ASIC2: variants seen among roughly 807,000 people sequenced by gnomAD.
ASIC2 encodes acid sensing ion channel subunit 2, also known as acid-sensing ion channel 2.
In ASIC2, 25 loss-of-function variants were observed where a neutral mutation model predicts 57.3. The observed-to-expected ratio is 0.44, with a 90% CI of 0.32 to 0.61. The LOEUF is 0.61. Among genes scored for constraint, ASIC2 ranks in the 20% least tolerant of loss-of-function variants. The probability of loss-of-function intolerance (pLI) is 0.06; values close to 1 mark genes in which losing one functional copy is unlikely to be tolerated. For synonymous variants in ASIC2, 319 were observed against 307.5 expected, an observed-to-expected ratio of 1.04 and a Z score of -0.39; for missense variants, 641 against 738.1, an observed-to-expected ratio of 0.87 and a Z score of 1.52.
At chr17:34,017,107 A>G (rs1907005538) in intron 1 of ASIC2, among the ~76,000 whole-genome samples, 2 of 152,232 alleles carry the variant, frequency 1.3e-5, no homozygotes, top group Admixed American at 1.3e-4. Flanking sequence ...TGCATGGAGC[A>G]AGTCTATTAG....
intron 1 of ASIC2, among the ~76,000 whole-genome samples, chr17:33,525,280 CAT>C (rs1382827410): frequency 6.6e-6 from 1 of 152,194 alleles, no homozygotes; most frequent in East Asian, 1.9e-4. Context: ...ACGAGAGAGT[CAT>C]GTGGGAGGTG....
chr17:33,943,656 A>G (rs1380363686), intron 1 of ASIC2, among the ~76,000 whole-genome samples: 1 of 150,988 alleles, frequency 6.6e-6, no homozygotes, highest in Non-Finnish European at 1.5e-5. Flanking sequence ...GTGAAAATAT[A>G]GGAGAAAGAA....
At chr17:33,740,907 A>G (rs1042668588) in intron 1 of ASIC2, among the ~76,000 whole-genome samples, 1 of 152,190 alleles carries the variant, frequency 6.6e-6, no homozygotes, top group African/African-American at 2.4e-5. Flanking sequence ...TGTCCCTTCA[A>G]CAGGGTTATA....
At chr17:33,096,246 T>C (rs1167819582) in intron 2 of ASIC2, among the ~76,000 whole-genome samples, 1 of 152,190 alleles carries the variant, frequency 6.6e-6, no homozygotes, top group African/African-American at 2.4e-5. Flanking sequence ...CTGACCCTCT[T>C]AAGGACAAGA....
chr17:34,024,217 C>T (rs920429423), intron 1 of ASIC2, among the ~76,000 whole-genome samples: 1 of 152,212 alleles, frequency 6.6e-6, no homozygotes, highest in Non-Finnish European at 1.5e-5. Flanking sequence ...GTCTCTCTGA[C>T]TTCCTGGAAG....
chr17:33,472,804 G>C (rs761499191), intron 1 of ASIC2, among the ~76,000 whole-genome samples: 82 of 152,190 alleles, frequency 5.4e-4, no homozygotes, highest in Non-Finnish European at 1.0e-3. Flanking sequence ...TAACTGACAA[G>C]GGATGAGTTT....
At chr17:33,739,263 G>A (rs1337132933) in intron 1 of ASIC2, among the ~76,000 whole-genome samples, 4 of 152,200 alleles carry the variant, frequency 2.6e-5, no homozygotes, top group East Asian at 1.9e-4. Context: ...TATTCCCAAA[G>A]TGATCCATGG....
chr17:33,340,943 T>C (rs1196841929), intron 1 of ASIC2, among the ~76,000 whole-genome samples: 1 of 152,180 alleles, frequency 6.6e-6, no homozygotes, highest in African/African-American at 2.4e-5. Flanking sequence ...TCCTGGAATG[T>C]AGTATCTTTC....
chr17:33,072,205 A>C (rs1178925274), intron 3 of ASIC2, among the ~76,000 whole-genome samples: 2 of 152,166 alleles, frequency 1.3e-5, no homozygotes. Context: ...CAAGGGCATA[A>C]GCTGGGGCAA....
At chr17:33,461,386 C>T (rs563544948) in intron 1 of ASIC2, among the ~76,000 whole-genome samples, 1 of 152,288 alleles carries the variant, frequency 6.6e-6, no homozygotes, top group South Asian at 2.1e-4. Context: ...CATTCTTGGG[C>T]ATATTCTCCA....
intron 1 of ASIC2, among the ~76,000 whole-genome samples, chr17:33,880,748 T>C (rs1361178667): frequency 6.6e-6 from 1 of 152,222 alleles, no homozygotes; most frequent in Non-Finnish European, 1.5e-5. Context: ...GAATCCTCCC[T>C]AACTCATTTT....
intron 1 of ASIC2, among the ~76,000 whole-genome samples, chr17:33,476,982 A>G (rs1210559830): frequency 1.3e-5 from 2 of 152,120 alleles, no homozygotes; most frequent in African/African-American, 4.8e-5. Flanking sequence ...AGCCTATACT[A>G]CTATATAATC....
chr17:33,788,127 C>A (rs1911660641), intron 1 of ASIC2, among the ~76,000 whole-genome samples: 1 of 152,016 alleles, frequency 6.6e-6, no homozygotes, highest in African/African-American at 2.4e-5. Context: ...AACAGGCAAC[C>A]TACAGAATGG....
rs142675508 is a variant in ASIC2 at position 33,366,117 on chromosome 17, A to G, written c.556-254050T>C. 1.2e-4 allele frequency among the ~76,000 whole-genome samples: 19 copies of G among 152,366 alleles called. No individual in the cohort carries two copies. In the East Asian group the frequency reaches 3.7e-3, roughly 29 times the overall value. On this transcript the variant is annotated intron_variant, in intron 1 of 9. Coordinates refer to the ASIC2 transcript ENST00000359872. ...TGGCTGATGACCCTCCCATGATGCT[A>G]TGAGTGGGGACAAAAGGCCAGCAGT...
At chr17:34,149,309 A>G (rs1044743516) in intron 1 of ASIC2, among the ~76,000 whole-genome samples, 19 of 151,800 alleles carry the variant, frequency 1.3e-4, no homozygotes. Flanking sequence ...GTTTTACTAT[A>G]TTGCCCAGGT....
chr17:33,550,947 A>G (rs543225833), intron 1 of ASIC2, among the ~76,000 whole-genome samples: 1 of 152,306 alleles, frequency 6.6e-6, no homozygotes, highest in East Asian at 1.9e-4. Context: ...ACGTGAAAAG[A>G]TATGTTGAAG....
intron 1 of ASIC2, chr17:34,004,193 A>T (rs1906447441): frequency 7.8e-6 from 1 of 128,028 alleles, no homozygotes; most frequent in Non-Finnish European, 1.6e-5. Flanking sequence ...TGGGAGAAGG[A>T]AAAGGAAAAG....
At chr17:33,109,445 C>T (rs1408211408) in intron 2 of ASIC2, among the ~76,000 whole-genome samples, 2 of 152,128 alleles carry the variant, frequency 1.3e-5, no homozygotes, top group African/African-American at 4.8e-5. Context: ...GCTTTAAACC[C>T]GTTCTTCATA....
intron 1 of ASIC2, among the ~76,000 whole-genome samples, chr17:33,630,354 C>T (rs1319698404): frequency 6.6e-6 from 1 of 152,168 alleles, no homozygotes; most frequent in Non-Finnish European, 1.5e-5. Flanking sequence ...CTGCTCCTGT[C>T]TGTGCAGTGA....
Sources: gnomAD v4.1 joint callset for allele counts (sites outside exome capture counted in the v4.1 genomes callset) on GRCh38, gnomAD v4.1.1 for gene constraint, MANE v1.5 for transcripts, NCBI Gene and HGNC (gene_info 2026-07-23, HGNC 2026-07-21) for gene names.